Variants in PLXNA1 observed in about 807,000 individuals in gnomAD.
The protein encoded by PLXNA1 is plexin-A1.
PLXNA1 carries 77 observed loss-of-function variants against 191.7 expected under a neutral mutation model. The observed-to-expected ratio is 0.40, with a 90% CI of 0.33 to 0.49. The LOEUF (loss-of-function observed/expected upper bound fraction) is 0.49. Ranked by LOEUF, PLXNA1 falls within the 20% of genes least tolerant of loss-of-function variation. The probability of loss-of-function intolerance (pLI) is 0.63; values close to 1 mark genes in which losing one functional copy is unlikely to be tolerated. For synonymous variants in PLXNA1, 1,137 were observed against 1,156.4 expected (o/e 0.98, Z 0.34); for missense variants, 2,110 against 2,660.2 (o/e 0.79, Z 4.55).
chr3:127,004,609 A>G lies in PLXNA1; in HGVS notation c.1519-2A>G, dbSNP rs779133137. 1 of 1,564,086 alleles carries G rather than the reference A, an allele frequency of 6.4e-7. No individual in the cohort carries two copies. The highest frequency in any genetic ancestry group is 8.7e-7 in the Non-Finnish European group (1 of 1,153,874). On this transcript the variant is annotated splice_acceptor_variant, in intron 4 of 31. Coordinates refer to ENST00000393409, the MANE Select transcript of PLXNA1 (RefSeq NM_032242.4). LOFTEE classifies it high-confidence loss of function. Reference sequence around the variant, plus strand: ...AGGGGCCTGACACCTCCCCCACACCAGGTGACGCGGGTGCCTGTGGAGAGC... The same window carrying G: ...AGGGGCCTGACACCTCCCCCACACCGGGTGACGCGGGTGCCTGTGGAGAGC...
intron 3 of PLXNA1, among the ~76,000 whole-genome samples, chr3:126,995,169 A>G (rs529362653): frequency 3.9e-5 from 6 of 152,260 alleles, no homozygotes; most frequent in African/African-American, 1.4e-4. Flanking sequence ...AACTTCGGCT[A>G]TGGGGCTGAC....
chr3:127,031,551 G>T (rs934541654), intron 29 of PLXNA1, among the ~76,000 whole-genome samples: 4 of 152,166 alleles, frequency 2.6e-5, no homozygotes, highest in Non-Finnish European at 5.9e-5. Context: ...GACTGTCCCT[G>T]CCACTTCTGC....
intron 3 of PLXNA1, among the ~76,000 whole-genome samples, chr3:127,000,124 G>C (rs918219303): frequency 6.6e-6 from 1 of 151,820 alleles, no homozygotes; most frequent in African/African-American, 2.4e-5. Flanking sequence ...GGCATGCATG[G>C]GCAGCGCCAG....
Position 127,028,008 on chromosome 3 carries a change from T to A in PLXNA1, c.4431T>A (p.Ile1477=). The part of the protein sequence containing the change: ...AIKQQMEKGP[I]DAITGEARYS... ...AGCAGCAGATGGAGAAGGGCCCCAT[T>A]GACGCCATCACGGGTGAGGCACGCT... Residue 1477 remains isoleucine (I), a synonymous_variant, in exon 24 of 32, where the codon ATT becomes ATA. Coordinates refer to ENST00000393409, the MANE Select transcript of PLXNA1 (RefSeq NM_032242.4). 1.2e-6 allele frequency: 2 copies of A among 1,614,016 alleles called. No homozygotes were observed. The highest frequency in any genetic ancestry group is 1.7e-6 in the Non-Finnish European group (2 of 1,180,002).
chr3:126,993,192 C>T (rs900183461), intron 3 of PLXNA1, among the ~76,000 whole-genome samples: 7 of 152,210 alleles, frequency 4.6e-5, no homozygotes, highest in African/African-American at 1.4e-4. Context: ...TCACCCCAGT[C>T]CCACAGAGGG....
chr3:127,009,695 C>A (rs2079086604), intron 9 of PLXNA1, among the ~76,000 whole-genome samples: 1 of 152,116 alleles, frequency 6.6e-6, no homozygotes, highest in African/African-American at 2.4e-5. Flanking sequence ...CCGCCCCCTG[C>A]CCCCATGCTG....
In PLXNA1 at chr3:127,020,260, C is replaced by T; in HGVS notation, c.3954C>T (p.Gly1318=). ...TGACCAATGACCTGGACGGTGCCGG[C>T]ATCCCCTTCCTTGACTACCGGACAT... ...HELTNDLDGA[G]IPFLDYRTYA... Residue 1318 remains glycine (G), a synonymous_variant, in exon 21 of 32, where the codon GGC becomes GGT. Coordinates refer to ENST00000393409, the MANE Select transcript of PLXNA1 (RefSeq NM_032242.4). The T allele has an allele frequency of 6.2e-7, 1 of 1,613,264 alleles. No individual in the cohort carries two copies. The highest frequency in any genetic ancestry group is 1.1e-5 in the South Asian group (1 of 91,088).
At chr3:126,983,853 G>A (rs2078944202) in intron 1 of PLXNA1, among the ~76,000 whole-genome samples, 1 of 152,092 alleles carries the variant, frequency 6.6e-6, no homozygotes, top group Non-Finnish European at 1.5e-5. Context: ...GGCCGGAGGA[G>A]GTCGTGCAGG....
chr3:127,022,933 G>C, intron 23 of PLXNA1, 115 bp downstream of exon 23: 3 of 968,118 alleles, frequency 3.1e-6, no homozygotes, highest in East Asian at 2.5e-5. Flanking sequence ...GTGGGGTCTT[G>C]GTCGAGTTCT....
intron 31 of PLXNA1, among the ~76,000 whole-genome samples, chr3:127,033,094 T>C (rs2079220710): frequency 6.6e-6 from 1 of 152,226 alleles, no homozygotes; most frequent in Non-Finnish European, 1.5e-5. Context: ...TGGCAGCTTC[T>C]TCCTGAGGCA....
At chr3:127,001,446 CA>C (rs2079039431) in intron 3 of PLXNA1, among the ~76,000 whole-genome samples, 1 of 152,154 alleles carries the variant, frequency 6.6e-6, no homozygotes, top group Non-Finnish European at 1.5e-5. Flanking sequence ...CAAGAGGGGC[CA>C]GGGGCCATAT....
rs147741166 is a variant in PLXNA1, at chr3:127,022,285, C to T, written c.4239C>T (p.Ser1413=). The change falls in exon 22 of 32, where the codon TCC becomes TCT. Residue 1413 remains serine, a synonymous_variant. Transcript: ENST00000393409. ...CAGGCGTGCTCAAGCAGCTGCTTTCCGACCTCATCGAGAAGAACCTGGAGA... is the reference window on the plus strand; with the variant it reads ...CAGGCGTGCTCAAGCAGCTGCTTTCTGACCTCATCGAGAAGAACCTGGAGA... ...YATGVLKQLL[S]DLIEKNLESK... The T allele has an allele frequency of 5.6e-4, 901 of 1,613,274 alleles. 5 individuals are homozygous for T. In the African/African-American group the frequency reaches 7.4e-3, roughly 13 times the overall value.
intron 3 of PLXNA1, among the ~76,000 whole-genome samples, chr3:126,998,227 T>C (rs950521504): frequency 6.6e-6 from 1 of 152,172 alleles, no homozygotes. Flanking sequence ...GGTGGGTCAC[T>C]TCACCAGAGA....
intron 24 of PLXNA1, 25 bp from the exon 25 acceptor site, chr3:127,028,156 C>T (rs1403589786): frequency 1.6e-5 from 26 of 1,613,130 alleles, no homozygotes; most frequent in Non-Finnish European, 2.2e-5. Context: ...GCTGACGCTG[C>T]CCCCTTGCTC....
At position 127,011,820 on chromosome 3, in the gene PLXNA1, G is replaced by C; in HGVS notation, c.2113-138G>C. On this transcript the variant is annotated intron_variant, in intron 9 of 31. Transcript: ENST00000393409. ...TCACTGTCCCAGCCAGCGGTCCTCA[G>C]TTTGCCAGTGCATAAAATGGGCACA... The C allele has an allele frequency of 1.2e-5, 10 of 808,086 alleles. 1 individual carries two copies. In the South Asian group the frequency reaches 1.6e-4, roughly 13 times the overall value. 50.1% of individuals were successfully genotyped at this position (808,086 alleles called of 1,614,324 possible).
chr3:127,018,240 C>T, intron 19 of PLXNA1, 54 bp from the exon 20 acceptor site: 1 of 1,488,096 alleles, frequency 6.7e-7, no homozygotes. Flanking sequence ...GGAGGGGCTC[C>T]CAAGCTTTGT....
chr3:127,027,890 G>C (rs773754618), intron 23 of PLXNA1, 50 bp from the exon 24 acceptor site: 23 of 1,609,580 alleles, frequency 1.4e-5, no homozygotes, highest in Non-Finnish European at 2.0e-5. Context: ...GGGCAGGTTG[G>C]GGGTAGGCCC....
chr3:126,983,720 G>T (rs2078943249), intron 1 of PLXNA1, among the ~76,000 whole-genome samples: 1 of 151,558 alleles, frequency 6.6e-6, no homozygotes, highest in Non-Finnish European at 1.5e-5. Flanking sequence ...GGCCCCGCGG[G>T]GAGGCCCCTG....
rs565080664 is a variant in PLXNA1, at chr3:127,036,557, C to G, written c.*2540C>G. 7.2e-5 allele frequency: 11 copies of G among 152,658 alleles called. No individual in the cohort carries two copies. The highest frequency in any genetic ancestry group is 2.4e-4 in the African/African-American group (10 of 41,580). The allele number at this position is 152,658 out of a possible 1,614,324, so 9.5% of individuals were successfully genotyped here. ...CAGCAGTCTCCGAGCTACTCCGTAC[C>G]TCCCTCTGCCAGGTCGTGGAGTTAG... On this transcript the variant is annotated 3_prime_UTR_variant, in exon 32 of 32. Coordinates refer to ENST00000393409, the MANE Select transcript of PLXNA1 (RefSeq NM_032242.4).
Sources: gnomAD v4.1 joint callset for allele counts (sites outside exome capture counted in the v4.1 genomes callset) on GRCh38, gnomAD v4.1.1 for gene constraint, MANE v1.5 for transcripts, NCBI Gene and HGNC (gene_info 2026-07-23, HGNC 2026-07-21) for gene names.